Variants in TENT4B observed in about 807,000 individuals in gnomAD.
The protein encoded by TENT4B is terminal nucleotidyltransferase 4B, also known as PAP associated domain containing 5.
Under a neutral mutation model 75.0 loss-of-function variants are expected in TENT4B, and 10 were observed. The observed-to-expected ratio is 0.13, with a 90% CI of 0.08 to 0.23. The LOEUF (loss-of-function observed/expected upper bound fraction) is 0.23, where lower values mean the gene tolerates loss of function less well. TENT4B is among the 10% of genes least tolerant of loss of function. The pLI is 1.00. For missense variants in TENT4B, 579 were observed against 893.8 expected (o/e 0.65, Z 4.49); for synonymous variants, 350 against 357.7 (o/e 0.98, Z 0.24).
chr16:50,166,780 A>T (rs868568727), intron 1 of TENT4B, among the ~76,000 whole-genome samples: 1 of 115,280 alleles, frequency 8.7e-6, no homozygotes, highest in African/African-American at 3.1e-5. Context: ...TGCCTGGCTA[A>T]TTTTTTTTTT....
intron 5 of TENT4B, among the ~76,000 whole-genome samples, chr16:50,221,004 C>T (rs143131466): frequency 2.6e-5 from 4 of 152,064 alleles, no homozygotes; most frequent in African/African-American, 4.8e-5. Flanking sequence ...TGGAAATCAC[C>T]GGCCAGGTGC....
intron 1 of TENT4B, among the ~76,000 whole-genome samples, chr16:50,158,012 G>A (rs566744687): frequency 2.6e-5 from 4 of 151,830 alleles, no homozygotes; most frequent in African/African-American, 7.2e-5. Flanking sequence ...TGATCCTCCC[G>A]CCTCCGCCTA....
intron 2 of TENT4B, 102 bp downstream of exon 2, chr16:50,211,548 G>T: frequency 7.6e-7 from 1 of 1,310,806 alleles, no homozygotes; most frequent in Non-Finnish European, 9.9e-7. Context: ...GCAAGTAGAA[G>T]TGCTCTGTAG....
rs368358423 is a variant in TENT4B at position 50,227,913 on chromosome 16, G to T, written c.1875G>T (p.Ser625=). The T allele has an allele frequency of 1.4e-5, 23 of 1,613,970 alleles. No homozygotes were observed. In the South Asian group the frequency reaches 2.4e-4, roughly 17 times the overall value. ...CGTCCACTGGGAACCGAGTAGGGTCGCAAGATGTATCCTTGGAGTCCTCTC... is the reference window on the plus strand; with the variant it reads ...CGTCCACTGGGAACCGAGTAGGGTCTCAAGATGTATCCTTGGAGTCCTCTC... ...CRPSTGNRVG[S]QDVSLESSQA... Residue 625 remains serine (S), a synonymous_variant, in exon 11 of 12, where the codon TCG becomes TCT. Transcript: ENST00000561678.
chr16:50,154,153 C>T lies in TENT4B; in HGVS notation c.532C>T (p.Gln178Ter). The T allele has an allele frequency of 6.6e-7, 1 of 1,521,918 alleles. No homozygotes were observed. The highest frequency in any genetic ancestry group is 2.5e-5 in the East Asian group (1 of 39,672). 94.3% of individuals were successfully genotyped at this position (1,521,918 alleles called of 1,614,324 possible). A position where few individuals can be genotyped will look rare whatever the true frequency, so the allele number is the denominator to read the frequency against. The change falls in exon 1 of 12, where the codon CAG becomes TAG. Residue 178 changes from glutamine to a stop codon, truncating the protein, a stop_gained. Transcript: ENST00000561678. LOFTEE classifies it high-confidence loss of function. ...GTATGGACTCAACTACAGCCTGCTG[C>T]AGCCCAGCGGAGGGCGGGCCGCGGG... ...STYGLNYSLL[Q>*]PSGGRAAGGG... is the part of the protein sequence containing the mutation.
Position 50,230,608 on chromosome 16 carries a change from A to C in TENT4B, c.*1280A>C. 1 of 983,814 alleles carries C rather than the reference A, an allele frequency of 1.0e-6. No homozygotes were observed. Among genetic ancestry groups the C allele is most frequent in the Non-Finnish European group, 1.2e-6 (1 of 828,094 alleles). 60.9% of individuals were successfully genotyped at this position (983,814 alleles called of 1,614,324 possible). On this transcript the variant is annotated 3_prime_UTR_variant, in exon 12 of 12. Transcript: ENST00000561678. ...ATTTTGTATTGCCTTATTAAGACCA[A>C]ATACTTCTTGTCATCCCATTCTTTA...
intron 5 of TENT4B, among the ~76,000 whole-genome samples, chr16:50,219,699 C>T (rs1332255740): frequency 1.4e-5 from 2 of 147,848 alleles, no homozygotes; most frequent in East Asian, 2.1e-4. Context: ...TCTCCCTCCC[C>T]CTCTTCCTCT....
chr16:50,211,221 C>T, intron 1 of TENT4B, 102 bp from the exon 2 acceptor site: 3 of 1,193,640 alleles, frequency 2.5e-6, no homozygotes, highest in Non-Finnish European at 3.4e-6. Context: ...TTAAGGTAGT[C>T]ATCAGCTGAA....
chr16:50,200,129 G>A (rs1391896547), intron 1 of TENT4B, among the ~76,000 whole-genome samples: 1 of 152,148 alleles, frequency 6.6e-6, no homozygotes, highest in East Asian at 1.9e-4. Flanking sequence ...ATAATGGGAG[G>A]CTGAGACAGG....
At chr16:50,222,501 A>G (rs1428351015) in intron 6 of TENT4B, 67 bp downstream of exon 6, 4 of 1,548,524 alleles carry the variant, frequency 2.6e-6, no homozygotes, top group Non-Finnish European at 3.5e-6. Flanking sequence ...GCTGGGAAAC[A>G]TTTTGGAAAA....
intron 1 of TENT4B, among the ~76,000 whole-genome samples, chr16:50,171,308 C>G (rs1325787100): frequency 6.6e-6 from 1 of 151,968 alleles, no homozygotes; most frequent in Non-Finnish European, 1.5e-5. Flanking sequence ...GGCTGAAGTG[C>G]AAGGATCGCT....
chr16:50,234,265 C>T lies in TENT4B; in HGVS notation c.*4937C>T, dbSNP rs1363793601. On this transcript the variant is annotated 3_prime_UTR_variant, in exon 12 of 12. Transcript: ENST00000561678. Reference sequence around the variant, plus strand: ...GGCTGGGAGTTTGAGACCTTCATCTCTTAAAAAAACAAACAAAAACCTGAA... The same window carrying T: ...GGCTGGGAGTTTGAGACCTTCATCTTTTAAAAAAACAAACAAAAACCTGAA... 1.0e-6 allele frequency: 1 copy of T among 985,204 alleles called. No homozygotes were observed. The highest frequency in any genetic ancestry group is 1.7e-5 in the African/African-American group (1 of 57,172). 61.0% of individuals were successfully genotyped at this position (985,204 alleles called of 1,614,324 possible). A position where few individuals can be genotyped will look rare whatever the true frequency, so the allele number is the denominator to read the frequency against.
intron 5 of TENT4B, among the ~76,000 whole-genome samples, chr16:50,221,326 CT>C (rs1296235526): frequency 6.6e-6 from 1 of 152,188 alleles, no homozygotes; most frequent in Non-Finnish European, 1.5e-5. Context: ...GATGTTGTGC[CT>C]GCTTTGTTTC....
At position 50,233,052 on chromosome 16, in the gene TENT4B, GCA is replaced by G; in HGVS notation, c.*3727_*3728del. 1.0e-6 allele frequency: 1 copy of G among 984,836 alleles called. No individual in the cohort carries two copies. Among genetic ancestry groups the G allele is most frequent in the Non-Finnish European group, 1.2e-6 (1 of 829,448 alleles). 61.0% of individuals were successfully genotyped at this position (984,836 alleles called of 1,614,324 possible). A position where few individuals can be genotyped will look rare whatever the true frequency, so the allele number is the denominator to read the frequency against. On this transcript the variant is annotated 3_prime_UTR_variant, in exon 12 of 12. Transcript: ENST00000561678. ...CATTAAACTTTCAGTTATTGGAAAG[GCA>G]CATTCTCAAAGTATTTTATGAGCAA...
At chr16:50,156,394 GAGTGC>G (rs2037900808) in intron 1 of TENT4B, among the ~76,000 whole-genome samples, 2 of 150,862 alleles carry the variant, frequency 1.3e-5, no homozygotes, top group Non-Finnish European at 2.9e-5. Context: ...GCCCAGGCTG[GAGTGC>G]AGTGGCTCGA....
At chr16:50,163,456 C>T (rs1339009596) in intron 1 of TENT4B, among the ~76,000 whole-genome samples, 13 of 140,912 alleles carry the variant, frequency 9.2e-5, no homozygotes, top group East Asian at 8.3e-4. Flanking sequence ...CTCGCTCTGT[C>T]GCCCACCATC....
chr16:50,209,504 C>G (rs73573622), intron 1 of TENT4B, among the ~76,000 whole-genome samples: 2,485 of 152,300 alleles, frequency 0.016, 67 homozygotes, highest in African/African-American at 0.056. Context: ...GCAAGGAAAA[C>G]GTCCCCACTG....
chr16:50,173,257 G>A (rs1286701701), intron 1 of TENT4B, among the ~76,000 whole-genome samples: 1 of 151,646 alleles, frequency 6.6e-6, no homozygotes, highest in Non-Finnish European at 1.5e-5. Flanking sequence ...TCTTTTTTTT[G>A]TACTGCTGAA....
intron 10 of TENT4B, among the ~76,000 whole-genome samples, chr16:50,226,267 C>T (rs561784182): frequency 6.6e-6 from 1 of 152,330 alleles, no homozygotes; most frequent in African/African-American, 2.4e-5. Context: ...TCCCAAAGTG[C>T]TGGGATTACA....
Sources: gnomAD v4.1 joint callset for allele counts (sites outside exome capture counted in the v4.1 genomes callset) on GRCh38, gnomAD v4.1.1 for gene constraint, MANE v1.5 for transcripts, NCBI Gene and HGNC (gene_info 2026-07-23, HGNC 2026-07-21) for gene names.